Variants in CNNM2 observed in about 807,000 individuals in gnomAD.
CNNM2 encodes the protein cyclin and CBS domain divalent metal cation transport mediator 2.
In CNNM2, 12 loss-of-function variants were observed where a neutral mutation model predicts 66.9. The observed-to-expected ratio is 0.18, with a 90% CI of 0.11 to 0.29. The LOEUF is 0.29. Among genes scored for constraint, CNNM2 ranks in the 10% least tolerant of loss-of-function variants. The probability of loss-of-function intolerance (pLI) is 1.00; values close to 1 mark genes in which losing one functional copy is unlikely to be tolerated. For missense variants in CNNM2, 705 were observed against 1,167.7 expected, an observed-to-expected ratio of 0.60 and a Z score of 5.77; for synonymous variants, 557 against 501.8, an observed-to-expected ratio of 1.11 and a Z score of -1.47.
chr10:102,972,341 G>A (rs760848805), intron 1 of CNNM2, among the ~76,000 whole-genome samples: 1 of 152,080 alleles, frequency 6.6e-6, no homozygotes, highest in African/African-American at 2.4e-5. Flanking sequence ...TTTGGAGAGA[G>A]GAAGAAGCTT....
chr10:102,979,452 C>T (rs2063686465), intron 1 of CNNM2, among the ~76,000 whole-genome samples: 1 of 152,200 alleles, frequency 6.6e-6, no homozygotes, highest in Non-Finnish European at 1.5e-5. Context: ...TGCTTAAATT[C>T]AGATGTCTGC....
chr10:103,055,710 C>T (rs1457060248), intron 3 of CNNM2, among the ~76,000 whole-genome samples: 1 of 152,222 alleles, frequency 6.6e-6, no homozygotes, highest in East Asian at 1.9e-4. Context: ...TTCATAAATA[C>T]ATAATTAGAA....
chr10:103,075,523 C>G (rs1482745346), intron 6 of CNNM2, among the ~76,000 whole-genome samples: 1 of 152,122 alleles, frequency 6.6e-6, no homozygotes, highest in South Asian at 2.1e-4. Flanking sequence ...TTCTTGAATT[C>G]CTGAGACATC....
At chr10:102,974,814 G>C (rs1452768385) in intron 1 of CNNM2, among the ~76,000 whole-genome samples, 2 of 152,180 alleles carry the variant, frequency 1.3e-5, no homozygotes, top group Non-Finnish European at 2.9e-5. Flanking sequence ...TGGGATTATA[G>C]GTATGAGCCA....
intron 1 of CNNM2, among the ~76,000 whole-genome samples, chr10:102,945,235 A>C (rs1322285436): frequency 6.6e-6 from 1 of 152,114 alleles, no homozygotes; most frequent in Non-Finnish European, 1.5e-5. Flanking sequence ...TAAGAAGGGG[A>C]AGAAGTGAAT....
intron 1 of CNNM2, among the ~76,000 whole-genome samples, chr10:103,038,663 C>A (rs547999690): frequency 6.6e-6 from 1 of 152,116 alleles, no homozygotes; most frequent in Admixed American, 6.5e-5. Flanking sequence ...CACTGGCAGA[C>A]GCATTAGTTC....
intron 4 of CNNM2, among the ~76,000 whole-genome samples, chr10:103,066,101 C>A (rs374973175): frequency 1.3e-5 from 2 of 152,174 alleles, no homozygotes; most frequent in African/African-American, 2.4e-5. Flanking sequence ...GCCTTGAGCA[C>A]CTTGAGGCCC....
intron 1 of CNNM2, among the ~76,000 whole-genome samples, chr10:102,968,936 C>T (rs569792555): frequency 1.7e-5 from 2 of 116,514 alleles, no homozygotes; most frequent in East Asian, 2.6e-4. Context: ...TTTTTTGAGA[C>T]AGGGTCTCAC....
At chr10:103,034,179 A>G (rs2064884294) in intron 1 of CNNM2, among the ~76,000 whole-genome samples, 1 of 151,974 alleles carries the variant, frequency 6.6e-6, no homozygotes, top group Admixed American at 6.6e-5. Context: ...ATTATTAACT[A>G]TGTAATATAT....
At chr10:103,030,954 AGAG>A (rs565345118) in intron 1 of CNNM2, among the ~76,000 whole-genome samples, 22 of 152,284 alleles carry the variant, frequency 1.4e-4, no homozygotes, top group Admixed American at 1.3e-3. Flanking sequence ...TTATTGGACA[AGAG>A]GAGGAGGAGG....
rs752713914 is a variant in CNNM2 at position 102,918,852 on chromosome 10, G to A, written c.372G>A (p.Glu124=). ...CCCGCATCGCCTTCACCGAGCACGA[G>A]CGGCGGCGCCACAGCCCGGGGGAGC... ...TWSRIAFTEH[E]RRRHSPGERG... is the part of the protein sequence containing the mutation. The change falls in exon 1 of 8, where the codon GAG becomes GAA. Residue 124 remains glutamate (E), a synonymous_variant. Coordinates refer to ENST00000369878, the MANE Select transcript of CNNM2 (RefSeq NM_017649.5). This position sits in a 1 kb window ranked among gnomAD's most constrained non-coding sequence, Gnocchi z 4.1. The A allele has an allele frequency of 6.9e-6, 11 of 1,585,076 alleles. No individual in the cohort carries two copies. In the East Asian group the frequency reaches 1.8e-4, roughly 27 times the overall value.
At chr10:103,072,113 G>A (rs1030746356) in intron 6 of CNNM2, among the ~76,000 whole-genome samples, 6 of 152,126 alleles carry the variant, frequency 3.9e-5, no homozygotes, top group Non-Finnish European at 8.8e-5. Context: ...GATTGTTAGC[G>A]CTCCCTGCCC....
At chr10:102,933,866 C>T (rs1846140306) in intron 1 of CNNM2, among the ~76,000 whole-genome samples, 1 of 152,142 alleles carries the variant, frequency 6.6e-6, no homozygotes, top group African/African-American at 2.4e-5. Flanking sequence ...ACAGGGTCTC[C>T]CTCCATTGCC....
intron 1 of CNNM2, among the ~76,000 whole-genome samples, chr10:102,979,326 G>GT (rs1429244036): frequency 1.3e-5 from 2 of 152,172 alleles, no homozygotes; most frequent in South Asian, 4.1e-4. Flanking sequence ...AATTCTTACA[G>GT]TGGCATATCA....
At chr10:103,045,828 A>G (rs1297732598) in intron 1 of CNNM2, among the ~76,000 whole-genome samples, 1 of 152,218 alleles carries the variant, frequency 6.6e-6, no homozygotes, top group African/African-American at 2.4e-5. Context: ...ATTTTTTTAT[A>G]GAAATGAGTT....
chr10:103,045,817 TA>T (rs1388671429), intron 1 of CNNM2, among the ~76,000 whole-genome samples: 8 of 152,230 alleles, frequency 5.3e-5, no homozygotes, highest in African/African-American at 1.9e-4. Context: ...CTTTTTATTT[TA>T]TTTTTTTATA....
chr10:102,993,013 A>G (rs2063925537), intron 1 of CNNM2, among the ~76,000 whole-genome samples: 3 of 152,190 alleles, frequency 2.0e-5, no homozygotes, highest in Admixed American at 2.0e-4. Flanking sequence ...CTTTTCAACC[A>G]AGAATATGTC....
chr10:103,043,562 C>T (rs2065079567), intron 1 of CNNM2, among the ~76,000 whole-genome samples: 2 of 152,148 alleles, frequency 1.3e-5, no homozygotes, highest in Non-Finnish European at 2.9e-5. Flanking sequence ...TGTGGTAATC[C>T]ACTACCATTC....
intron 1 of CNNM2, among the ~76,000 whole-genome samples, chr10:103,008,460 C>T (rs2064270112): frequency 6.6e-6 from 1 of 152,140 alleles, no homozygotes; most frequent in Non-Finnish European, 1.5e-5. Flanking sequence ...TAGAAATACT[C>T]TGTCAGAAAT....
Sources: gnomAD v4.1 joint callset for allele counts (sites outside exome capture counted in the v4.1 genomes callset) on GRCh38, gnomAD v4.1.1 for gene constraint, Gnocchi (gnomAD v3.1) non-coding constraint, MANE v1.5 for transcripts, NCBI Gene and HGNC (gene_info 2026-07-23, HGNC 2026-07-21) for gene names.